DNER: variants seen among roughly 807,000 people sequenced by gnomAD.
The protein encoded by DNER is delta and Notch-like epidermal growth factor-related receptor.
In DNER, 33 loss-of-function variants were observed where a neutral mutation model predicts 78.2. The observed-to-expected ratio is 0.42, with a 90% CI of 0.32 to 0.56. The LOEUF (loss-of-function observed/expected upper bound fraction) is 0.56, where lower values mean the gene tolerates loss of function less well. DNER is among the 20% of genes least tolerant of loss of function. DNER has a pLI of 0.11. For synonymous variants in DNER, 417 were observed against 384.8 expected, an observed-to-expected ratio of 1.08 and a Z score of -0.98; for missense variants, 918 against 975.3, an observed-to-expected ratio of 0.94 and a Z score of 0.78.
intron 5 of DNER, among the ~76,000 whole-genome samples, chr2:229,522,817 C>T (rs1696128401): frequency 6.6e-6 from 1 of 152,138 alleles, no homozygotes; most frequent in Non-Finnish European, 1.5e-5. Context: ...GCTATCATCT[C>T]CTGAAGGAAG....
intron 1 of DNER, among the ~76,000 whole-genome samples, chr2:229,594,246 A>G (rs1697662435): frequency 6.6e-6 from 1 of 152,230 alleles, no homozygotes; most frequent in Admixed American, 6.5e-5. Context: ...CTTCATGCCA[A>G]CACTGAAATG....
intron 6 of DNER, among the ~76,000 whole-genome samples, chr2:229,486,825 G>A (rs973452190): frequency 6.6e-6 from 1 of 152,196 alleles, no homozygotes; most frequent in African/African-American, 2.4e-5. Flanking sequence ...AGCAGCATCA[G>A]CCCTGCCTGG....
intron 5 of DNER, among the ~76,000 whole-genome samples, chr2:229,523,733 G>A (rs753839146): frequency 1.3e-5 from 2 of 152,178 alleles, no homozygotes; most frequent in Non-Finnish European, 2.9e-5. Context: ...TTCCTCAAAT[G>A]CTGCTTTTAG....
intron 11 of DNER, among the ~76,000 whole-genome samples, chr2:229,377,094 C>A (rs954300901): frequency 2.6e-5 from 4 of 152,130 alleles, no homozygotes; most frequent in Non-Finnish European, 1.5e-5. Flanking sequence ...TATATTCAAA[C>A]CTGCCCTCAG....
intron 1 of DNER, among the ~76,000 whole-genome samples, chr2:229,634,217 TA>T (rs1698489719): frequency 6.6e-6 from 1 of 152,200 alleles, no homozygotes; most frequent in Non-Finnish European, 1.5e-5. Flanking sequence ...GCAAAAAAAT[TA>T]TAATAGCTAT....
chr2:229,548,961 T>C (rs1215038406), intron 4 of DNER, among the ~76,000 whole-genome samples: 1 of 152,144 alleles, frequency 6.6e-6, no homozygotes, highest in African/African-American at 2.4e-5. Context: ...GAAAATGAAA[T>C]TTATAATGCA....
At chr2:229,544,628 A>G (rs71355933) in intron 5 of DNER, among the ~76,000 whole-genome samples, 2,782 of 149,518 alleles carry the variant, frequency 0.019, 48 homozygotes, top group Non-Finnish European at 0.03. Flanking sequence ...CGCCTTCTGG[A>G]TTCAAGCATT....
At position 229,561,965 on chromosome 2, in the gene DNER, C is replaced by T. The variant is rs76740124; in HGVS notation, c.848-14873G>A. 8.1e-3 allele frequency among the ~76,000 whole-genome samples: 1,240 copies of T among 152,242 alleles called. 12 individuals are homozygous for T. The highest frequency in any genetic ancestry group is 0.029 in the African/African-American group (1,185 of 41,526). On this transcript the variant is annotated intron_variant, in intron 4 of 12. Transcript: ENST00000341772. The stretch of plus-strand genomic sequence containing the variant: ...CGCGCCCTTCCTATTGGCTAAAATA[C>T]CAATGTGATTGTGACAGCTTGGACA...
chr2:229,492,710 C>A (rs2154211744), intron 6 of DNER, among the ~76,000 whole-genome samples: 1 of 152,216 alleles, frequency 6.6e-6, no homozygotes, highest in South Asian at 2.1e-4. Flanking sequence ...AGTCTGTCAC[C>A]CAGGTTGGAG....
chr2:229,629,714 T>A (rs1698402491), intron 1 of DNER, among the ~76,000 whole-genome samples: 1 of 152,238 alleles, frequency 6.6e-6, no homozygotes, highest in South Asian at 2.1e-4. Context: ...GCATTCACGT[T>A]TGAAAAGTCT....
At chr2:229,429,433 A>G (rs6757904) in intron 8 of DNER, among the ~76,000 whole-genome samples, 152,223 of 152,238 alleles carry the variant, frequency 1, 76,104 homozygotes, top group Middle Eastern at 1. Flanking sequence ...CTCCCTTAGG[A>G]GGACACGGGC....
At chr2:229,627,933 T>A (rs1039651197) in intron 1 of DNER, among the ~76,000 whole-genome samples, 5 of 152,188 alleles carry the variant, frequency 3.3e-5, no homozygotes, top group African/African-American at 1.2e-4. Context: ...CCACCACACA[T>A]CCTCTTCTGC....
intron 6 of DNER, among the ~76,000 whole-genome samples, chr2:229,491,084 G>A (rs1288920696): frequency 6.6e-6 from 1 of 152,158 alleles, no homozygotes; most frequent in African/African-American, 2.4e-5. Context: ...TGAGCTCCCT[G>A]TCCTTCCTTC....
At chr2:229,533,414 C>T (rs1696342983) in intron 5 of DNER, among the ~76,000 whole-genome samples, 1 of 152,146 alleles carries the variant, frequency 6.6e-6, no homozygotes, top group Non-Finnish European at 1.5e-5. Context: ...AGAGGCAAAG[C>T]CGCGGCTTTG....
At chr2:229,592,712 C>A (rs901888599) in intron 1 of DNER, among the ~76,000 whole-genome samples, 5 of 152,156 alleles carry the variant, frequency 3.3e-5, no homozygotes, top group African/African-American at 1.2e-4. Flanking sequence ...AAAAAATCAC[C>A]TGCTCCTCTT....
intron 1 of DNER, among the ~76,000 whole-genome samples, chr2:229,656,666 T>C (rs1698917169): frequency 6.6e-6 from 1 of 152,202 alleles, no homozygotes; most frequent in Admixed American, 6.5e-5. Flanking sequence ...TTTATAACAC[T>C]TAAAATTATC....
intron 5 of DNER, among the ~76,000 whole-genome samples, chr2:229,521,097 C>G (rs1039363556): frequency 6.6e-6 from 1 of 152,214 alleles, no homozygotes; most frequent in Admixed American, 6.5e-5. Context: ...CCGAAGACCT[C>G]TCTAAACCAG....
chr2:229,657,903 G>C (rs1319125787), intron 1 of DNER, among the ~76,000 whole-genome samples: 2 of 151,958 alleles, frequency 1.3e-5, no homozygotes, highest in Non-Finnish European at 2.9e-5. Flanking sequence ...TGCATTTCAA[G>C]GGAATTTCAT....
At chr2:229,545,143 A>G (rs1696597273) in intron 5 of DNER, among the ~76,000 whole-genome samples, 1 of 152,224 alleles carries the variant, frequency 6.6e-6, no homozygotes, top group East Asian at 1.9e-4. Context: ...AAAAATAAAG[A>G]AAAGGTGCTG....
Sources: allele counts gnomAD v4.1 joint callset (sites outside exome capture counted in the v4.1 genomes callset), GRCh38; gene constraint gnomAD v4.1.1; transcripts MANE v1.5; gene names NCBI Gene and HGNC (gene_info 2026-07-23, HGNC 2026-07-21).